TRIOBP: variants seen among roughly 807,000 people sequenced by gnomAD.
The protein encoded by TRIOBP is TRIO and F-actin binding protein.
A neutral mutation model predicts 238.8 loss-of-function variants in TRIOBP; 169 were observed. The ratio of observed to expected loss-of-function variants is 0.71; its 90% CI spans 0.62 to 0.80. TRIOBP has a LOEUF of 0.80. TRIOBP is among the 30% of genes least tolerant of loss of function. The pLI, the probability that TRIOBP is intolerant of heterozygous loss-of-function variation, is 0.00. For synonymous variants in TRIOBP, 1,150 were observed against 1,274.4 expected, an observed-to-expected ratio of 0.90 and a Z score of 2.08; for missense variants, 2,838 against 3,122.6, an observed-to-expected ratio of 0.91 and a Z score of 2.17.
chr22:37,710,614 C>G, intron 4 of TRIOBP, 48 bp downstream of exon 4: 1 of 1,580,246 alleles, frequency 6.3e-7, no homozygotes, highest in Non-Finnish European at 8.6e-7. Context: ...GGTGGAATGC[C>G]CTCACCCTTC....
At chr22:37,761,860 C>A (rs1926261141) in intron 17 of TRIOBP, among the ~76,000 whole-genome samples, 1 of 151,990 alleles carries the variant, frequency 6.6e-6, no homozygotes, top group African/African-American at 2.4e-5. Context: ...GTGTTGTGCC[C>A]TGTAGCCTCC....
At chr22:37,754,693 G>A (rs1175086619) in intron 12 of TRIOBP, among the ~76,000 whole-genome samples, 184 bp from the exon 13 acceptor site, 2 of 152,170 alleles carry the variant, frequency 1.3e-5, no homozygotes, top group Non-Finnish European at 2.9e-5. Flanking sequence ...TGGTTACGGA[G>A]GGGAAACCAA....
chr22:37,698,139 G>T (rs1922446277), intron 2 of TRIOBP, among the ~76,000 whole-genome samples: 1 of 145,886 alleles, frequency 6.9e-6, no homozygotes, highest in Non-Finnish European at 1.5e-5. Context: ...GGCAGAGGTT[G>T]CAGTGAGCCG....
intron 2 of TRIOBP, among the ~76,000 whole-genome samples, chr22:37,698,415 C>T (rs913732400): frequency 8.9e-6 from 1 of 112,106 alleles, no homozygotes; most frequent in Non-Finnish European, 1.7e-5. Context: ...TGCAGCGGGG[C>T]GATCTTAGCT....
chr22:37,720,062 T>C lies in TRIOBP; in HGVS notation c.629-3123T>C, dbSNP rs1325352611. ...TTCACTCTTGTTGCCCAGGCTGGAG[T>C]ACAATGGCGCAGTCTCGGCTCACTG... On this transcript the variant is annotated intron_variant, in intron 6 of 23. Coordinates refer to ENST00000644935, the MANE Select transcript of TRIOBP (RefSeq NM_001039141.3). Among the ~76,000 whole-genome samples, 9 of 121,172 alleles carry C rather than the reference T, an allele frequency of 7.4e-5. No individual in the cohort carries two copies. The South Asian group carries it at 2.3e-3, about 32-fold the overall frequency. 79.5% of individuals were successfully genotyped at this position (121,172 alleles called of 152,430 possible).
chr22:37,728,843 A>G (rs1055660005), intron 7 of TRIOBP, among the ~76,000 whole-genome samples: 1 of 152,204 alleles, frequency 6.6e-6, no homozygotes, highest in African/African-American at 2.4e-5. Flanking sequence ...TATAGGCTTG[A>G]ATGAATGTAT....
At chr22:37,759,703 A>G in intron 17 of TRIOBP, 2 of 1,499,938 alleles carry the variant, frequency 1.3e-6, no homozygotes, top group Non-Finnish European at 1.8e-6. Context: ...TCTGCAGGAC[A>G]GGGGAGCCTC....
chr22:37,714,278 A>G (rs9619704), intron 5 of TRIOBP, among the ~76,000 whole-genome samples: 67,749 of 152,048 alleles, frequency 0.45, 15,811 homozygotes, highest in Admixed American at 0.55. Context: ...ATGGATGTAC[A>G]TGCCTCCTAG....
At chr22:37,746,130 T>G (rs2145854766) in intron 11 of TRIOBP, 1 of 957,530 alleles carries the variant, frequency 1.0e-6, no homozygotes, top group East Asian at 1.0e-4. Flanking sequence ...GTCTCGCGCT[T>G]CCATTGGCCC....
rs1336090430 is a variant in TRIOBP, at chr22:37,757,720, G to C, written c.5795G>C (p.Gly1932Ala). 4 of 1,577,304 alleles carry C rather than the reference G, an allele frequency of 2.5e-6. No homozygotes were observed. The highest frequency in any genetic ancestry group is 3.4e-6 in the Non-Finnish European group (4 of 1,162,722). Residue 1932 changes from glycine to alanine, a missense_variant, in exon 16 of 24, where the codon GGC (glycine) becomes GCC (alanine). By Grantham distance (60) the Gly-to-Ala change is moderately conservative (BLOSUM62 0). This residue lies in a region of TRIOBP where 2,096 missense variants were observed against 2,137.4 expected (regional missense o/e 0.98). Transcript: ENST00000644935. ...RAGSEVISRG[G>A]PRKADGQRQA... Reference sequence around the variant, plus strand: ...GGCTCTGAGGTCATCAGCCGGGGTGGCCCTCGGAAGGCGGACGGGCAGCGT... The same window carrying C: ...GGCTCTGAGGTCATCAGCCGGGGTGCCCCTCGGAAGGCGGACGGGCAGCGT...
chr22:37,767,537 G>A (rs1165565325), intron 18 of TRIOBP, among the ~76,000 whole-genome samples: 2 of 152,216 alleles, frequency 1.3e-5, no homozygotes, highest in Non-Finnish European at 2.9e-5. Context: ...ACCCCATGGA[G>A]GAAAGGTACT....
rs763019815 is a variant in TRIOBP, at chr22:37,755,124, C to T, written c.5511C>T (p.Ile1837=). Residue 1837 remains isoleucine (I), a synonymous_variant, in exon 14 of 24, where the codon ATC becomes ATT. Coordinates refer to ENST00000644935, the MANE Select transcript of TRIOBP (RefSeq NM_001039141.3). ...AGGCAGATGAGCTGGATGGTGAGAT[C>T]GACCTGCGTTCCTGCACGGATGTCA... The part of the protein sequence containing the change: ...AEEADELDGE[I]DLRSCTDVTE... The T allele has an allele frequency of 1.5e-5, 25 of 1,613,576 alleles. No individual in the cohort carries two copies. Among genetic ancestry groups the T allele is most frequent in the Admixed American group, 8.3e-5 (5 of 59,966 alleles).
rs137920289 is a variant in TRIOBP at position 37,741,080 on chromosome 22, G to A, written c.5322+48G>A. 2.8e-3 allele frequency: 4,349 copies of A among 1,545,494 alleles called. 82 individuals are homozygous for A. In the African/African-American group the frequency reaches 0.044, roughly 16 times the overall value. On this transcript the variant is annotated intron_variant, in intron 11 of 23. Coordinates refer to ENST00000644935, the MANE Select transcript of TRIOBP (RefSeq NM_001039141.3). The stretch of plus-strand genomic sequence containing the variant: ...TGGAGGGGTGAGGGTGGATAGAGAC[G>A]GGGATGGGAGGGAGGAGGGGGCTGT...
At chr22:37,706,992 G>A (rs1340929365) in intron 3 of TRIOBP, among the ~76,000 whole-genome samples, 3 of 152,186 alleles carry the variant, frequency 2.0e-5, no homozygotes, top group African/African-American at 7.2e-5. Flanking sequence ...ACTGGGCCGG[G>A]CGCGGTGGCT....
At chr22:37,739,117 A>G (rs1924817693) in intron 10 of TRIOBP, among the ~76,000 whole-genome samples, 1 of 152,134 alleles carries the variant, frequency 6.6e-6, no homozygotes, top group African/African-American at 2.4e-5. Context: ...GGATGTACCC[A>G]GTCAGCCAGG....
At chr22:37,720,953 G>A (rs1344343483) in intron 6 of TRIOBP, among the ~76,000 whole-genome samples, 3 of 152,026 alleles carry the variant, frequency 2.0e-5, no homozygotes. Flanking sequence ...CACCTCCCGG[G>A]TTCAAGCAAT....
chr22:37,713,970 CA>C (rs1923389386), intron 5 of TRIOBP, among the ~76,000 whole-genome samples: 1 of 152,162 alleles, frequency 6.6e-6, no homozygotes, highest in Middle Eastern at 3.2e-3. Flanking sequence ...AGGAAAATGA[CA>C]GGGGGTGGTG....
At position 37,772,672 on chromosome 22, in the gene TRIOBP, G is replaced by A; in HGVS notation, c.7008G>A (p.Glu2336=). 9.3e-6 allele frequency: 15 copies of A among 1,614,164 alleles called. No homozygotes were observed. Among genetic ancestry groups the A allele is most frequent in the Non-Finnish European group, 1.3e-5 (15 of 1,180,020 alleles). The change falls in exon 23 of 24, where the codon GAG becomes GAA. Residue 2336 remains glutamate, a synonymous_variant. Transcript: ENST00000644935. Reference sequence around the variant, plus strand: ...TGAGCCACATCAAGACACGGTCTGAGCGGGAGATCGAGCAGCTGAAGGAGC... The same window carrying A: ...TGAGCCACATCAAGACACGGTCTGAACGGGAGATCGAGCAGCTGAAGGAGC... ...VELSHIKTRS[E]REIEQLKEHL... is the part of the protein sequence containing the mutation.
intron 18 of TRIOBP, among the ~76,000 whole-genome samples, chr22:37,767,557 G>A (rs982219318): frequency 6.6e-6 from 1 of 152,122 alleles, no homozygotes; most frequent in Non-Finnish European, 1.5e-5. Flanking sequence ...TGTTGTTATC[G>A]ATCCCTGTTT....
Sources: gnomAD v4.1 joint callset for allele counts (sites outside exome capture counted in the v4.1 genomes callset) on GRCh38, gnomAD v4.1.1 for gene constraint, gnomAD v4.1.1 regional missense constraint, MANE v1.5 for transcripts, NCBI Gene and HGNC (gene_info 2026-07-23, HGNC 2026-07-21) for gene names.